The following ZMAT3 variants were observed in gnomAD, a reference collection of about 807,000 sequenced individuals.
ZMAT3 encodes zinc finger matrin-type protein 3.
In ZMAT3, 17 loss-of-function variants were observed where a neutral mutation model predicts 32.3. The ratio of observed to expected loss-of-function variants is 0.53; its 90% CI spans 0.36 to 0.79. The LOEUF (loss-of-function observed/expected upper bound fraction) is 0.79, where lower values mean the gene tolerates loss of function less well. Ranked by LOEUF, ZMAT3 falls within the 30% of genes least tolerant of loss-of-function variation. The pLI, the probability that ZMAT3 is intolerant of heterozygous loss-of-function variation, is 0.00. For missense variants in ZMAT3, 329 were observed against 359.7 expected, an observed-to-expected ratio of 0.91 and a Z score of 0.69; for synonymous variants, 120 against 133.1, an observed-to-expected ratio of 0.90 and a Z score of 0.68.
chr3:179,070,513 T>C (rs1019776660), intron 1 of ZMAT3, among the ~76,000 whole-genome samples: 4 of 152,236 alleles, frequency 2.6e-5, no homozygotes, highest in African/African-American at 9.6e-5. Context: ...CATCAAATAT[T>C]AGTACATTTG....
chr3:179,052,044 C>G (rs770240847), intron 2 of ZMAT3, among the ~76,000 whole-genome samples: 1 of 152,154 alleles, frequency 6.6e-6, no homozygotes, highest in Non-Finnish European at 1.5e-5. Context: ...GGATCAAAGA[C>G]TTAAATCTAA....
intron 2 of ZMAT3, among the ~76,000 whole-genome samples, chr3:179,047,697 A>G (rs1720316065): frequency 1.1e-5 from 1 of 94,068 alleles, no homozygotes; most frequent in Non-Finnish European, 2.2e-5. Context: ...TACTAAAAAT[A>G]CAAAAAAAAA....
intron 2 of ZMAT3, among the ~76,000 whole-genome samples, chr3:179,060,823 G>A (rs1002469415): frequency 6.6e-6 from 1 of 150,572 alleles, no homozygotes; most frequent in Non-Finnish European, 1.5e-5. Flanking sequence ...GCTTCCAGGG[G>A]AAAAAAAAGA....
intron 2 of ZMAT3, among the ~76,000 whole-genome samples, chr3:179,063,611 T>C (rs1379046821): frequency 6.6e-6 from 1 of 152,240 alleles, no homozygotes; most frequent in Non-Finnish European, 1.5e-5. Context: ...TCATCCGTGC[T>C]TTTTGCTTTT....
intron 2 of ZMAT3, among the ~76,000 whole-genome samples, chr3:179,037,913 G>A (rs1202906483): frequency 6.6e-6 from 1 of 152,112 alleles, no homozygotes; most frequent in Non-Finnish European, 1.5e-5. Context: ...AGCTTTTCTA[G>A]GGGACATAAA....
At chr3:179,045,924 G>A (rs1720211012) in intron 2 of ZMAT3, among the ~76,000 whole-genome samples, 2 of 152,184 alleles carry the variant, frequency 1.3e-5, no homozygotes, top group Middle Eastern at 3.2e-3. Context: ...CAAAGACAGA[G>A]GTCACAACTG....
At chr3:179,067,098 T>C (rs1478496732) in intron 2 of ZMAT3, among the ~76,000 whole-genome samples, 1 of 152,144 alleles carries the variant, frequency 6.6e-6, no homozygotes, top group Non-Finnish European at 1.5e-5. Context: ...CTGAATTGAG[T>C]TCGGTACATC....
chr3:179,065,394 G>A (rs1186766542), intron 2 of ZMAT3, among the ~76,000 whole-genome samples: 4 of 151,838 alleles, frequency 2.6e-5, no homozygotes, highest in South Asian at 2.1e-4. Flanking sequence ...TAGAACATAC[G>A]CAAAAATGTA....
chr3:179,060,358 A>AC (rs1346412034), intron 2 of ZMAT3, among the ~76,000 whole-genome samples: 2 of 152,158 alleles, frequency 1.3e-5, no homozygotes, highest in African/African-American at 4.8e-5. Flanking sequence ...AAGACAAAAA[A>AC]ATCTGGAGAA....
At position 179,018,692 on chromosome 3, in the gene ZMAT3, T is replaced by C. The variant is rs1718394134; in HGVS notation, c.*6325A>G. 1 of 152,146 alleles carries C rather than the reference T, an allele frequency of 6.6e-6. No individual in the cohort carries two copies. The highest frequency in any genetic ancestry group is 6.6e-5 in the Admixed American group (1 of 15,260). The allele number at this position is 152,146 out of a possible 1,614,324, so 9.4% of individuals were successfully genotyped here. A position where few individuals can be genotyped will look rare whatever the true frequency, so the allele number is the denominator to read the frequency against. On this transcript the variant is annotated 3_prime_UTR_variant, in exon 6 of 6. Coordinates refer to ENST00000311417, the MANE Select transcript of ZMAT3 (RefSeq NM_022470.4). ...AAGTGGGCATAAAAATAAAGGCATATGTAAAAATAATTTTTTCTAAACATG... is the reference window on the plus strand; with the variant it reads ...AAGTGGGCATAAAAATAAAGGCATACGTAAAAATAATTTTTTCTAAACATG...
Position 179,024,335 on chromosome 3 carries a change from T to G in ZMAT3, c.*682A>C, listed in dbSNP as rs956367197. 3 of 152,290 alleles carry G rather than the reference T, an allele frequency of 2.0e-5. No individual in the cohort carries two copies. The highest frequency in any genetic ancestry group is 7.2e-5 in the African/African-American group (3 of 41,452). 9.4% of individuals were successfully genotyped at this position (152,290 alleles called of 1,614,324 possible). A position where few individuals can be genotyped will look rare whatever the true frequency, so the allele number is the denominator to read the frequency against. ...GACCCTAACAGTTTCTAATAATGTATCCTACTGACAATGCATTGAGGTGGC... is the reference window on the plus strand; with the variant it reads ...GACCCTAACAGTTTCTAATAATGTAGCCTACTGACAATGCATTGAGGTGGC... On this transcript the variant is annotated 3_prime_UTR_variant, in exon 6 of 6. Transcript: ENST00000311417.
intron 2 of ZMAT3, among the ~76,000 whole-genome samples, chr3:179,065,284 T>C (rs1721350687): frequency 6.6e-6 from 1 of 152,218 alleles, no homozygotes; most frequent in South Asian, 2.1e-4. Context: ...TTTACCTAAA[T>C]TGTATTTCCC....
At chr3:179,042,974 T>C (rs1310820870) in intron 2 of ZMAT3, among the ~76,000 whole-genome samples, 2 of 152,146 alleles carry the variant, frequency 1.3e-5, no homozygotes, top group African/African-American at 2.4e-5. Flanking sequence ...CCATTCACAA[T>C]TGCTACGAAA....
At chr3:179,064,700 G>C (rs1462260519) in intron 2 of ZMAT3, among the ~76,000 whole-genome samples, 1 of 152,180 alleles carries the variant, frequency 6.6e-6, no homozygotes, top group African/African-American at 2.4e-5. Context: ...CAAAGTGCTA[G>C]AATTACAGGT....
In ZMAT3 at chr3:179,018,702, AT is replaced by A. The variant is rs1171023648; in HGVS notation, c.*6314del. 6.6e-6 allele frequency: 1 copy of A among 152,108 alleles called. No individual in the cohort carries two copies. Among genetic ancestry groups the A allele is most frequent in the Non-Finnish European group, 1.5e-5 (1 of 68,006 alleles). The allele number at this position is 152,108 out of a possible 1,614,324, so 9.4% of individuals were successfully genotyped here. On this transcript the variant is annotated 3_prime_UTR_variant, in exon 6 of 6. Coordinates refer to ENST00000311417, the MANE Select transcript of ZMAT3 (RefSeq NM_022470.4). ...AAAAATAAAGGCATATGTAAAAATAATTTTTTCTAAACATGACTACAATAAA... is the reference window on the plus strand; with the variant it reads ...AAAAATAAAGGCATATGTAAAAATAATTTTTCTAAACATGACTACAATAAA...
At chr3:179,040,663 C>T (rs1719870678) in intron 2 of ZMAT3, among the ~76,000 whole-genome samples, 1 of 152,130 alleles carries the variant, frequency 6.6e-6, no homozygotes, top group African/African-American at 2.4e-5. Context: ...GAAAAAACTG[C>T]ATCAATTAAT....
chr3:179,069,047 T>C (rs1721571678), intron 1 of ZMAT3, among the ~76,000 whole-genome samples: 1 of 152,052 alleles, frequency 6.6e-6, no homozygotes, highest in Non-Finnish European at 1.5e-5. Flanking sequence ...GCTCTTGAGT[T>C]TACAGCCCTG....
rs1462300137 is a variant in ZMAT3, at chr3:179,018,455, A to C, written c.*6562T>G. On this transcript the variant is annotated 3_prime_UTR_variant, in exon 6 of 6. Transcript: ENST00000311417. ...AAAGAACTGCCAGATGTCTAAAAAA[A>C]AAAGTGTAATTAGTAAAAATATGGA... 6.6e-6 allele frequency: 1 copy of C among 152,182 alleles called. No individual in the cohort carries two copies. The highest frequency in any genetic ancestry group is 6.5e-5 in the Admixed American group (1 of 15,276). 9.4% of individuals were successfully genotyped at this position (152,182 alleles called of 1,614,324 possible). A position where few individuals can be genotyped will look rare whatever the true frequency, so the allele number is the denominator to read the frequency against.
chr3:179,071,689 C>G lies in ZMAT3; in HGVS notation c.-152G>C, dbSNP rs1227955377. ...CGCGCCCGGCTCGGCCCAGCTCGAC[C>G]CAGCCTCTTCTCGGAGCAACTTTCT... is the stretch of plus-strand genomic sequence containing the variant. On this transcript the variant is annotated 5_prime_UTR_variant, in exon 1 of 6. Coordinates refer to ENST00000311417, the MANE Select transcript of ZMAT3 (RefSeq NM_022470.4). 1 of 152,748 alleles carries G rather than the reference C, an allele frequency of 6.5e-6. No individual in the cohort carries two copies. Among genetic ancestry groups the G allele is most frequent in the African/African-American group, 2.4e-5 (1 of 41,450 alleles). The allele number at this position is 152,748 out of a possible 1,614,324, so 9.5% of individuals were successfully genotyped here.
Sources: allele counts gnomAD v4.1 joint callset (sites outside exome capture counted in the v4.1 genomes callset), GRCh38; gene constraint gnomAD v4.1.1; transcripts MANE v1.5; gene names NCBI Gene and HGNC (gene_info 2026-07-23, HGNC 2026-07-21).